BRMS1L: variants seen among roughly 807,000 people sequenced by gnomAD.
BRMS1L encodes the protein breast cancer metastasis-suppressor 1-like protein.
A neutral mutation model predicts 50.3 loss-of-function variants in BRMS1L; 23 were observed. The ratio of observed to expected loss-of-function variants is 0.46; its 90% CI spans 0.33 to 0.65. The LOEUF (loss-of-function observed/expected upper bound fraction) is 0.65. BRMS1L is among the 30% of genes least tolerant of loss of function. The pLI, the probability that BRMS1L is intolerant of heterozygous loss-of-function variation, is 0.02. For synonymous variants in BRMS1L, 114 were observed against 126.9 expected (o/e 0.90, Z 0.69); for missense variants, 286 against 386.1 (o/e 0.74, Z 2.17).
chr14:35,833,398 A>T (rs2077951022), intron 3 of BRMS1L, among the ~76,000 whole-genome samples: 1 of 152,000 alleles, frequency 6.6e-6, no homozygotes, highest in Non-Finnish European at 1.5e-5. Flanking sequence ...TTTCATTAAG[A>T]GAGACTGTTA....
intron 1 of BRMS1L, among the ~76,000 whole-genome samples, chr14:35,827,767 C>A (rs1372226263): frequency 6.6e-6 from 1 of 152,186 alleles, no homozygotes; most frequent in Non-Finnish European, 1.5e-5. Context: ...TGTAGGAATT[C>A]AGAGGCAGAG....
chr14:35,838,988 G>A (rs1040768040), intron 4 of BRMS1L, among the ~76,000 whole-genome samples: 1 of 152,100 alleles, frequency 6.6e-6, no homozygotes, highest in Non-Finnish European at 1.5e-5. Context: ...TTCTTCTAGG[G>A]TTTTTATGGT....
At chr14:35,865,801 A>T (rs1213022118) in intron 8 of BRMS1L, 40 bp downstream of exon 8, 1 of 1,560,518 alleles carries the variant, frequency 6.4e-7, no homozygotes, top group Non-Finnish European at 8.7e-7. Context: ...TTCTCTTTGG[A>T]GACTTGTTGA....
intron 1 of BRMS1L, 171 bp downstream of exon 1, chr14:35,826,829 C>A: frequency 1.0e-6 from 1 of 970,820 alleles, no homozygotes; most frequent in Non-Finnish European, 1.5e-6. Context: ...TGGGCGCTGT[C>A]TGGCTCCTGA....
intron 1 of BRMS1L, among the ~76,000 whole-genome samples, chr14:35,830,941 A>ATTTTTTT (rs762350767): frequency 1.5e-5 from 2 of 131,684 alleles, no homozygotes. Context: ...TCTATAGTGG[A>ATTTTTTT]TTTTTTTTTT....
chr14:35,853,213 C>G (rs1465956567), intron 4 of BRMS1L, among the ~76,000 whole-genome samples: 1 of 151,990 alleles, frequency 6.6e-6, no homozygotes, highest in Non-Finnish European at 1.5e-5. Flanking sequence ...TGGCATTTGT[C>G]TGATACAATT....
chr14:35,870,301 T>TA lies in BRMS1L; in HGVS notation c.855-56dup, dbSNP rs967268892. On this transcript the variant is annotated intron_variant, in intron 9 of 9. Transcript: ENST00000216807. Reference sequence around the variant, plus strand: ...TTTTGGTTTTATATAGGTAATAATCTAAAGTGAATTGAGGAGACATTGTAA... The same window carrying TA: ...TTTTGGTTTTATATAGGTAATAATCTAAAAGTGAATTGAGGAGACATTGTAA... The TA allele has an allele frequency of 4.0e-5, 43 of 1,087,140 alleles. No homozygotes were observed. In the African/African-American group the frequency reaches 6.2e-4, roughly 16 times the overall value. The allele number at this position is 1,087,140 out of a possible 1,614,324, so 67.3% of individuals were successfully genotyped here.
chr14:35,830,545 A>G (rs1243305207), intron 1 of BRMS1L, among the ~76,000 whole-genome samples: 1 of 151,368 alleles, frequency 6.6e-6, no homozygotes, highest in African/African-American at 2.4e-5. Context: ...TTTATTAGAG[A>G]TGGGGTTTCA....
Position 35,871,320 on chromosome 14 carries a change from G to A in BRMS1L, c.*843G>A, listed in dbSNP as rs903286015. On this transcript the variant is annotated 3_prime_UTR_variant, in exon 10 of 10. Coordinates refer to ENST00000216807, the MANE Select transcript of BRMS1L (RefSeq NM_032352.4). ...CAGATTTTAGTAAGCATTTTCCAGA[G>A]GTAAAACTGTGTCCTTATTCTAATT... 7.2e-5 allele frequency: 11 copies of A among 152,558 alleles called. No homozygotes were observed. The highest frequency in any genetic ancestry group is 1.6e-4 in the Non-Finnish European group (11 of 68,000). 9.5% of individuals were successfully genotyped at this position (152,558 alleles called of 1,614,324 possible).
intron 1 of BRMS1L, chr14:35,830,017 C>T (rs1357073173): frequency 5.3e-6 from 1 of 187,382 alleles, no homozygotes; most frequent in Non-Finnish European, 1.1e-5. Flanking sequence ...GAATGGCAGA[C>T]CAGGAGAGCC....
intron 4 of BRMS1L, among the ~76,000 whole-genome samples, chr14:35,837,814 A>G (rs944676571): frequency 6.6e-6 from 1 of 152,104 alleles, no homozygotes; most frequent in African/African-American, 2.4e-5. Context: ...CTTGACCTAA[A>G]ATGCTGGGAT....
chr14:35,841,882 A>G (rs2078069092), intron 4 of BRMS1L, among the ~76,000 whole-genome samples: 1 of 151,966 alleles, frequency 6.6e-6, no homozygotes, highest in Admixed American at 6.6e-5. Context: ...TATTTAGGAT[A>G]GTTAGTTTCT....
chr14:35,833,907 G>A (rs1292020342), intron 3 of BRMS1L, among the ~76,000 whole-genome samples: 2 of 152,088 alleles, frequency 1.3e-5, no homozygotes, highest in Non-Finnish European at 2.9e-5. Context: ...ATATTATGTA[G>A]ATGATATGAT....
In BRMS1L at chr14:35,870,571, T is replaced by C; in HGVS notation, c.*94T>C. ...AAATGTATTCAATAACTTAATATTCTCACTGAATCATGAGAGAATGTGTAT... is the reference window on the plus strand; with the variant it reads ...AAATGTATTCAATAACTTAATATTCCCACTGAATCATGAGAGAATGTGTAT... On this transcript the variant is annotated 3_prime_UTR_variant, in exon 10 of 10. Transcript: ENST00000216807. 1.4e-6 allele frequency: 1 copy of C among 700,258 alleles called. No homozygotes were observed. Among genetic ancestry groups the C allele is most frequent in the Non-Finnish European group, 2.5e-6 (1 of 403,932 alleles). 43.4% of individuals were successfully genotyped at this position (700,258 alleles called of 1,614,324 possible). A position where few individuals can be genotyped will look rare whatever the true frequency, so the allele number is the denominator to read the frequency against.
chr14:35,838,955 T>C (rs537428380), intron 4 of BRMS1L, among the ~76,000 whole-genome samples: 2 of 152,244 alleles, frequency 1.3e-5, no homozygotes, highest in Non-Finnish European at 2.9e-5. Context: ...CATGCCTATG[T>C]CCTGAATGGT....
chr14:35,859,800 C>T (rs539769751), intron 4 of BRMS1L, among the ~76,000 whole-genome samples: 67 of 152,082 alleles, frequency 4.4e-4, no homozygotes, highest in Non-Finnish European at 8.7e-4. Context: ...CAGGCCCACG[C>T]TGCCATGCTT....
intron 4 of BRMS1L, among the ~76,000 whole-genome samples, chr14:35,860,926 A>AT (rs1389480720): frequency 6.6e-6 from 1 of 152,188 alleles, no homozygotes; most frequent in African/African-American, 2.4e-5. Flanking sequence ...TATGAGTAGT[A>AT]TTTTTTTAAA....
At chr14:35,847,020 G>A (rs537928732) in intron 4 of BRMS1L, among the ~76,000 whole-genome samples, 2 of 152,190 alleles carry the variant, frequency 1.3e-5, no homozygotes, top group South Asian at 4.1e-4. Flanking sequence ...TGTTGCCTAG[G>A]CTGGAGTGCA....
intron 4 of BRMS1L, among the ~76,000 whole-genome samples, chr14:35,840,982 G>A (rs2078055809): frequency 6.6e-6 from 1 of 152,082 alleles, no homozygotes; most frequent in Non-Finnish European, 1.5e-5. Context: ...TCTCCTGTGG[G>A]CATTCAGTGC....
Sources: allele counts gnomAD v4.1 joint callset (sites outside exome capture counted in the v4.1 genomes callset), GRCh38; gene constraint gnomAD v4.1.1; transcripts MANE v1.5; gene names NCBI Gene and HGNC (gene_info 2026-07-23, HGNC 2026-07-21).